ZRANB3: variants seen among roughly 807,000 people sequenced by gnomAD.
The protein encoded by ZRANB3 is DNA annealing helicase and endonuclease ZRANB3.
ZRANB3 carries 125 observed loss-of-function variants against 133.8 expected under a neutral mutation model. The observed-to-expected ratio is 0.93, with a 90% CI of 0.81 to 1.08. The LOEUF is 1.08. ZRANB3 is among the 50% of genes least tolerant of loss of function. The probability of loss-of-function intolerance (pLI) is 0.00; values close to 1 mark genes in which losing one functional copy is unlikely to be tolerated. For missense variants in ZRANB3, 1,229 were observed against 1,275.5 expected, an observed-to-expected ratio of 0.96 and a Z score of 0.56; for synonymous variants, 387 against 432.7, an observed-to-expected ratio of 0.89 and a Z score of 1.31.
At chr2:135,236,954 C>A (rs1695314882) in intron 12 of ZRANB3, among the ~76,000 whole-genome samples, 1 of 152,028 alleles carries the variant, frequency 6.6e-6, no homozygotes, top group South Asian at 2.1e-4. Context: ...TCTAATTAAA[C>A]TAAAGAGCTT....
At chr2:135,530,870 CGGA>C (rs1280317673) in intron 1 of ZRANB3, 3 of 152,204 alleles carry the variant, frequency 2.0e-5, no homozygotes, top group South Asian at 4.1e-4. Flanking sequence ...GACAAGTGAA[CGGA>C]GGAGAAGTTA....
At chr2:135,375,697 A>AG (rs1553481477) in intron 3 of ZRANB3, among the ~76,000 whole-genome samples, 30 of 150,952 alleles carry the variant, frequency 2.0e-4, no homozygotes, top group African/African-American at 7.3e-4. Context: ...AAAAAAAAAA[A>AG]CCCACAAAGT....
At chr2:135,290,457 G>C (rs1681631599) in intron 8 of ZRANB3, among the ~76,000 whole-genome samples, 1 of 152,056 alleles carries the variant, frequency 6.6e-6, no homozygotes, top group Non-Finnish European at 1.5e-5. Flanking sequence ...CTATCTTTTT[G>C]CACCGCTTTA....
At chr2:135,357,352 G>T (rs1387663091) in intron 3 of ZRANB3, among the ~76,000 whole-genome samples, 3 of 152,124 alleles carry the variant, frequency 2.0e-5, no homozygotes, top group Admixed American at 6.6e-5. Flanking sequence ...CTGGAGTGCA[G>T]TGGCATGATC....
At chr2:135,392,743 G>A (rs964650115) in intron 2 of ZRANB3, among the ~76,000 whole-genome samples, 8 of 152,180 alleles carry the variant, frequency 5.3e-5, no homozygotes, top group Admixed American at 3.9e-4. Flanking sequence ...GTGAGACTCC[G>A]TCTCAAAAAC....
rs545861603 is a variant in ZRANB3 at position 135,481,207 on chromosome 2, A to C, written c.161+23122T>G. ...ATCGCCACACTGACTTCCACAATGG[A>C]TGAACTAGTTTACAGTCCCACCAAC... On this transcript the variant is annotated intron_variant, in intron 2 of 20. Transcript: ENST00000264159. Among the ~76,000 whole-genome samples the C allele has an allele frequency of 3.7e-4, 56 of 150,970 alleles. 1 individual carries two copies. The South Asian group carries it at 7.0e-3, about 19-fold the overall frequency.
intron 8 of ZRANB3, among the ~76,000 whole-genome samples, chr2:135,289,739 C>T (rs1681590092): frequency 6.6e-6 from 1 of 152,088 alleles, no homozygotes; most frequent in African/African-American, 2.4e-5. Flanking sequence ...CCCATCTCTA[C>T]TAAAAATACA....
chr2:135,443,350 C>T (rs181865090), intron 2 of ZRANB3, among the ~76,000 whole-genome samples: 18 of 47,920 alleles, frequency 3.8e-4, no homozygotes, highest in Admixed American at 6.2e-4. Context: ...ATGGGAGTGT[C>T]GGGGGGGACA....
At chr2:135,266,220 C>A (rs1680240368) in intron 11 of ZRANB3, among the ~76,000 whole-genome samples, 1 of 152,098 alleles carries the variant, frequency 6.6e-6, no homozygotes, top group South Asian at 2.1e-4. Flanking sequence ...AGCTGACCAG[C>A]ATTAACATTA....
intron 6 of ZRANB3, among the ~76,000 whole-genome samples, chr2:135,320,563 GAATA>G (rs1353571500): frequency 6.6e-6 from 1 of 152,052 alleles, no homozygotes; most frequent in Admixed American, 6.6e-5. Context: ...TAAATTGAAA[GAATA>G]AACATACGCC....
intron 3 of ZRANB3, among the ~76,000 whole-genome samples, chr2:135,387,225 C>T (rs555066772): frequency 6.6e-6 from 1 of 152,028 alleles, no homozygotes; most frequent in African/African-American, 2.4e-5. Context: ...TTTGATGAGT[C>T]AACAGTCATC....
At chr2:135,492,788 C>G (rs543115714) in intron 2 of ZRANB3, among the ~76,000 whole-genome samples, 15 of 151,718 alleles carry the variant, frequency 9.9e-5, no homozygotes, top group African/African-American at 3.6e-4. Flanking sequence ...AAGAATAAGG[C>G]CCTAGACCTA....
chr2:135,252,152 A>G (rs1679431038), intron 12 of ZRANB3, among the ~76,000 whole-genome samples: 1 of 152,218 alleles, frequency 6.6e-6, no homozygotes, highest in Non-Finnish European at 1.5e-5. Context: ...ATAAGAACTT[A>G]TGAACACAAA....
intron 6 of ZRANB3, among the ~76,000 whole-genome samples, chr2:135,338,794 ATGTG>A (rs1264106700): frequency 1.3e-5 from 2 of 152,232 alleles, no homozygotes; most frequent in African/African-American, 4.8e-5. Flanking sequence ...ACATGTGCAT[ATGTG>A]TGTATGTGTA....
intron 12 of ZRANB3, among the ~76,000 whole-genome samples, chr2:135,258,013 G>C (rs1679747202): frequency 2.0e-5 from 3 of 152,156 alleles, no homozygotes; most frequent in Admixed American, 2.0e-4. Context: ...CATGAGCCTG[G>C]AGTGGTAGCT....
intron 3 of ZRANB3, among the ~76,000 whole-genome samples, chr2:135,375,674 G>C (rs561599691): frequency 1.4e-5 from 2 of 147,618 alleles, no homozygotes; most frequent in African/African-American, 2.5e-5. Flanking sequence ...GACAGAGCGA[G>C]ACTCCATCTC....
intron 2 of ZRANB3, among the ~76,000 whole-genome samples, chr2:135,415,041 A>G (rs1302110956): frequency 1.3e-5 from 2 of 151,716 alleles, no homozygotes; most frequent in East Asian, 3.9e-4. Context: ...CACAATTAAA[A>G]GAACTAGAAA....
At position 135,527,075 on chromosome 2, in the gene ZRANB3, A is replaced by C. The variant is rs1304420339; in HGVS notation, c.-8+4052T>G. 4.6e-5 allele frequency among the ~76,000 whole-genome samples: 7 copies of C among 152,284 alleles called. No individual in the cohort carries two copies. The East Asian group carries it at 9.6e-4, about 21-fold the overall frequency. On this transcript the variant is annotated intron_variant, in intron 1 of 20. Coordinates refer to ENST00000264159, the MANE Select transcript of ZRANB3 (RefSeq NM_032143.4). ...TGCCTTCCTAAAATACATAAAACCA[A>C]GCTGTACCCCAACCACCTTGGGCAC... is the stretch of plus-strand genomic sequence containing the variant.
At chr2:135,216,974 A>G (rs1454999151) in intron 17 of ZRANB3, among the ~76,000 whole-genome samples, 1 of 152,186 alleles carries the variant, frequency 6.6e-6, no homozygotes, top group Non-Finnish European at 1.5e-5. Context: ...CTGACGGTCA[A>G]CCTTTCCTTT....
Sources: gnomAD v4.1 joint callset for allele counts (sites outside exome capture counted in the v4.1 genomes callset) on GRCh38, gnomAD v4.1.1 for gene constraint, MANE v1.5 for transcripts, NCBI Gene and HGNC (gene_info 2026-07-23, HGNC 2026-07-21) for gene names.